AOAH: variants seen among roughly 807,000 people sequenced by gnomAD.
AOAH encodes the protein acyloxyacyl hydrolase (neutrophil).
AOAH carries 64 observed loss-of-function variants against 92.2 expected under a neutral mutation model. The observed-to-expected ratio is 0.69, with a 90% CI of 0.57 to 0.86. AOAH has a LOEUF of 0.86. Ranked by LOEUF, AOAH falls within the 40% of genes least tolerant of loss-of-function variation. AOAH has a pLI of 0.00. For synonymous variants in AOAH, 263 were observed against 254.5 expected (o/e 1.03, Z -0.32); for missense variants, 656 against 694.6 (o/e 0.94, Z 0.62).
chr7:36,523,191 CCT>C (rs901040478), intron 19 of AOAH, among the ~76,000 whole-genome samples: 7 of 152,144 alleles, frequency 4.6e-5, no homozygotes, highest in Admixed American at 1.3e-4. Flanking sequence ...ATCGCCAGCC[CCT>C]GTTAGCTTAT....
At chr7:36,539,949 G>T (rs1363038115) in intron 16 of AOAH, among the ~76,000 whole-genome samples, 1 of 152,198 alleles carries the variant, frequency 6.6e-6, no homozygotes, top group African/African-American at 2.4e-5. Context: ...AGGCCACCAG[G>T]AAGCACTTAC....
chr7:36,617,294 T>C (rs992857674), intron 10 of AOAH, among the ~76,000 whole-genome samples: 4 of 152,174 alleles, frequency 2.6e-5, no homozygotes, highest in Non-Finnish European at 5.9e-5. Flanking sequence ...GAGTGGGATG[T>C]GGGGAATCTA....
rs1192395893 is a variant in AOAH, at chr7:36,540,538, G to C, written c.1134-47C>G. ...AATATCTTGGTTGATTGTAAGGATA[G>C]ATGCATGCAAGTTGCACGCAAATAC... On this transcript the variant is annotated intron_variant, in intron 15 of 20. Transcript: ENST00000617537. 2.0e-6 allele frequency: 3 copies of C among 1,536,582 alleles called. No individual in the cohort carries two copies. The Admixed American group carries it at 5.4e-5, about 28-fold the overall frequency.
At chr7:36,517,721 C>T (rs1783875979) in intron 20 of AOAH, among the ~76,000 whole-genome samples, 2 of 151,250 alleles carry the variant, frequency 1.3e-5, no homozygotes, top group African/African-American at 2.4e-5. Context: ...CTGCCTCAGC[C>T]TCCTGAGTAG....
intron 6 of AOAH, among the ~76,000 whole-genome samples, chr7:36,631,413 C>T (rs1284752672): frequency 1.3e-5 from 2 of 151,762 alleles, no homozygotes; most frequent in East Asian, 1.9e-4. Flanking sequence ...GCCTCTGAGT[C>T]CTGTGCCCTC....
intron 2 of AOAH, among the ~76,000 whole-genome samples, chr7:36,679,123 T>C (rs534257576): frequency 6.6e-6 from 1 of 152,232 alleles, no homozygotes; most frequent in South Asian, 2.1e-4. Flanking sequence ...GATGTATGTG[T>C]AAATAAAACA....
At chr7:36,674,433 C>T (rs1384550814) in intron 2 of AOAH, among the ~76,000 whole-genome samples, 1 of 152,170 alleles carries the variant, frequency 6.6e-6, no homozygotes, top group Admixed American at 6.5e-5. Context: ...AAGGAAAATA[C>T]TTCACTTGGG....
intron 15 of AOAH, among the ~76,000 whole-genome samples, chr7:36,546,459 T>A (rs1241252901): frequency 6.6e-6 from 1 of 152,242 alleles, no homozygotes; most frequent in African/African-American, 2.4e-5. Context: ...GGACATCCCA[T>A]ACTGCCAACT....
chr7:36,532,871 C>T (rs947439743), intron 16 of AOAH, among the ~76,000 whole-genome samples: 12 of 152,064 alleles, frequency 7.9e-5, no homozygotes, highest in Non-Finnish European at 1.0e-4. Context: ...GCTCTGACCA[C>T]GTAGTTCCCT....
At chr7:36,615,490 G>A (rs914341884) in intron 11 of AOAH, among the ~76,000 whole-genome samples, 4 of 152,078 alleles carry the variant, frequency 2.6e-5, no homozygotes, top group Admixed American at 6.6e-5. Flanking sequence ...ATTTCCTCAC[G>A]ATAACTTATG....
intron 13 of AOAH, among the ~76,000 whole-genome samples, chr7:36,559,143 A>G (rs1787064403): frequency 6.6e-6 from 1 of 152,118 alleles, no homozygotes; most frequent in Non-Finnish European, 1.5e-5. Flanking sequence ...TCTTTATTCA[A>G]TCCACTGTTA....
intron 12 of AOAH, among the ~76,000 whole-genome samples, 168 bp from the exon 13 acceptor site, chr7:36,576,824 T>G (rs1788538935): frequency 6.6e-6 from 1 of 152,176 alleles, no homozygotes; most frequent in African/African-American, 2.4e-5. Context: ...TATTGGCAGT[T>G]GTTATGAGAA....
chr7:36,651,135 T>A (rs1280986785), intron 4 of AOAH, among the ~76,000 whole-genome samples: 3 of 152,184 alleles, frequency 2.0e-5, no homozygotes, highest in African/African-American at 7.2e-5. Flanking sequence ...TCTGCTGGGG[T>A]TTCTGTTCCT....
At chr7:36,651,466 G>T (rs11770435) in intron 4 of AOAH, among the ~76,000 whole-genome samples, 21,504 of 152,172 alleles carry the variant, frequency 0.14, 1,856 homozygotes, top group Non-Finnish European at 0.19. Flanking sequence ...GATGGTACAT[G>T]GTAAGTGTTC....
At chr7:36,672,467 T>C (rs1314444858) in intron 3 of AOAH, among the ~76,000 whole-genome samples, 1 of 152,246 alleles carries the variant, frequency 6.6e-6, no homozygotes, top group African/African-American at 2.4e-5. Flanking sequence ...GCTCGTCCTT[T>C]GCAGGACACG....
At chr7:36,641,412 G>C (rs1383050878) in intron 4 of AOAH, among the ~76,000 whole-genome samples, 1 of 152,144 alleles carries the variant, frequency 6.6e-6, no homozygotes, top group African/African-American at 2.4e-5. Context: ...CTGGGCAGGG[G>C]CTTCGGGCTC....
intron 16 of AOAH, among the ~76,000 whole-genome samples, chr7:36,535,786 G>A (rs1488509181): frequency 6.6e-6 from 1 of 152,138 alleles, no homozygotes; most frequent in African/African-American, 2.4e-5. Context: ...TTTCTCAAAA[G>A]CACAGAGTAG....
chr7:36,694,158 A>T (rs749037340), intron 1 of AOAH, among the ~76,000 whole-genome samples: 1 of 152,136 alleles, frequency 6.6e-6, no homozygotes, highest in Admixed American at 6.6e-5. Context: ...ATGCAAAAAA[A>T]TTTATCGCAG....
chr7:36,564,727 C>CAGAGG, intron 13 of AOAH, among the ~76,000 whole-genome samples: 1 of 152,230 alleles, frequency 6.6e-6, no homozygotes, highest in South Asian at 2.1e-4. Flanking sequence ...AATTTTCCCT[C>CAGAGG]TGTAGTTGTG....
Sources: allele counts gnomAD v4.1 joint callset (sites outside exome capture counted in the v4.1 genomes callset), GRCh38; gene constraint gnomAD v4.1.1; transcripts MANE v1.5; gene names NCBI Gene and HGNC (gene_info 2026-07-23, HGNC 2026-07-21).